Variants in PTPRN2 observed in about 807,000 individuals in gnomAD.
PTPRN2 encodes the protein receptor-type tyrosine-protein phosphatase N2.
A neutral mutation model predicts 118.8 loss-of-function variants in PTPRN2; 74 were observed. That is an observed-to-expected ratio of 0.62 (90% CI 0.52 to 0.76). PTPRN2 has a LOEUF of 0.76. Among genes scored for constraint, PTPRN2 ranks in the 30% least tolerant of loss-of-function variants. The probability of loss-of-function intolerance (pLI) is 0.00; values close to 1 mark genes in which losing one functional copy is unlikely to be tolerated. For missense variants in PTPRN2, 1,481 were observed against 1,394.4 expected, an observed-to-expected ratio of 1.06 and a Z score of -0.99; for synonymous variants, 641 against 608.0, an observed-to-expected ratio of 1.05 and a Z score of -0.80.
At chr7:157,718,616 G>A in intron 12 of PTPRN2, among the ~76,000 whole-genome samples, 1 of 151,610 alleles carries the variant, frequency 6.6e-6, no homozygotes, top group South Asian at 2.1e-4. Context: ...AGGTGACACT[G>A]CAGCCTCTCT....
chr7:158,416,637 T>C (rs1222529162), intron 2 of PTPRN2, among the ~76,000 whole-genome samples: 2 of 151,516 alleles, frequency 1.3e-5, no homozygotes, highest in Non-Finnish European at 2.9e-5. Context: ...CACCAGAGAA[T>C]GAAAAGGGAT....
intron 3 of PTPRN2, among the ~76,000 whole-genome samples, chr7:158,314,246 C>A (rs967385527): frequency 6.6e-6 from 1 of 152,214 alleles, no homozygotes; most frequent in African/African-American, 2.4e-5. Context: ...GGCCTCCACT[C>A]GCACGTCCAG....
chr7:157,785,220 G>A lies in PTPRN2; in HGVS notation c.1789-102283C>T, dbSNP rs116169210. ...ATAACCCGGGCCCACGTGGGGACAC[G>A]CCCCGCCCCACAGGCTTGCACCGGG... On this transcript the variant is annotated intron_variant, in intron 12 of 22. Coordinates refer to ENST00000389418, the MANE Select transcript of PTPRN2 (RefSeq NM_002847.5). The surrounding 1 kb of genome is among the most constrained non-coding windows in gnomAD (Gnocchi z 7.3). Among the ~76,000 whole-genome samples, 4,101 of 151,858 alleles carry A rather than the reference G, an allele frequency of 0.027. 220 individuals carry two copies. Among genetic ancestry groups the A allele is most frequent in the African/African-American group, 0.093 (3,854 of 41,334 alleles).
chr7:158,316,836 T>G lies in PTPRN2; in HGVS notation c.260A>C (p.Gln87Pro). Residue 87 changes from glutamine to proline, a missense_variant, in exon 3 of 23, where the codon CAG (glutamine) becomes CCG (proline). Around this residue, in one of 3 missense-constraint regions of PTPRN2, gnomAD observed 1,115 missense variants for 994.2 expected, o/e 1.12. Transcript: ENST00000389418. ...CGCCCTACCTGTGCCGGAAAGCTTC[T>G]GCAACGCCACGCGCAGGCGCTGCAG... ...VALQRLRVAL[Q>P]KLSGTGFTWQ... The G allele has an allele frequency of 6.2e-7, 1 of 1,605,696 alleles. No individual in the cohort carries two copies. Among genetic ancestry groups the G allele is most frequent in the South Asian group, 1.1e-5 (1 of 90,734 alleles).
At chr7:158,103,281 T>C (rs927122540) in intron 10 of PTPRN2, among the ~76,000 whole-genome samples, 1 of 152,192 alleles carries the variant, frequency 6.6e-6, no homozygotes, top group African/African-American at 2.4e-5. Context: ...AGGCCTGGGA[T>C]GGAATCCTTC....
chr7:158,477,025 TCA>T (rs1212710204), intron 2 of PTPRN2, among the ~76,000 whole-genome samples: 1 of 152,238 alleles, frequency 6.6e-6, no homozygotes, highest in Non-Finnish European at 1.5e-5. Context: ...AGGCTGAGCT[TCA>T]CATAGTTCAA....
chr7:158,498,641 C>A lies in PTPRN2; in HGVS notation c.113-8856G>T, dbSNP rs772717292. On this transcript the variant is annotated intron_variant, in intron 1 of 22. Coordinates refer to ENST00000389418, the MANE Select transcript of PTPRN2 (RefSeq NM_002847.5). ...AAAGAAGGATGTTTGCTGAGTCATT[C>A]TTCGGGACTAAGAAAACATTTCTAA... is the stretch of plus-strand genomic sequence containing the variant. 2.0e-5 allele frequency among the ~76,000 whole-genome samples: 3 copies of A among 152,152 alleles called. No homozygotes were observed. In the East Asian group the frequency reaches 5.8e-4, roughly 29 times the overall value.
intron 2 of PTPRN2, among the ~76,000 whole-genome samples, chr7:158,397,184 C>T (rs1190319883): frequency 1.3e-5 from 2 of 152,234 alleles, no homozygotes; most frequent in Non-Finnish European, 2.9e-5. Context: ...CTTGCGTAAT[C>T]TCAAAGCAAA....
chr7:157,791,208 TAAG>T (rs1027508261), intron 12 of PTPRN2, among the ~76,000 whole-genome samples: 2 of 152,216 alleles, frequency 1.3e-5, no homozygotes, highest in Non-Finnish European at 1.5e-5. Context: ...TTTATGTGAC[TAAG>T]AAGAATGAGA....
intron 21 of PTPRN2, among the ~76,000 whole-genome samples, chr7:157,556,975 G>A (rs957316277): frequency 1.4e-5 from 2 of 147,858 alleles, no homozygotes; most frequent in African/African-American, 5.0e-5. Context: ...GCACACACAT[G>A]CACACACAAT....
chr7:158,409,712 G>A (rs4909213), intron 2 of PTPRN2, among the ~76,000 whole-genome samples: 66,638 of 151,906 alleles, frequency 0.44, 15,753 homozygotes, highest in East Asian at 0.76. Flanking sequence ...CCAGGGAAGG[G>A]GCCAGGTAGG....
chr7:157,945,850 A>G (rs1026162129), intron 11 of PTPRN2, among the ~76,000 whole-genome samples: 30 of 152,182 alleles, frequency 2.0e-4, no homozygotes, highest in African/African-American at 7.2e-4. Context: ...TCCTGGCTTC[A>G]GTTGTCCCAT....
intron 5 of PTPRN2, among the ~76,000 whole-genome samples, chr7:158,188,005 G>C (rs1825314721): frequency 6.6e-6 from 1 of 152,146 alleles, no homozygotes; most frequent in African/African-American, 2.4e-5. Context: ...GCAAGATGGG[G>C]GCAGTGGTGG....
At chr7:157,936,831 C>T (rs183998629) in intron 11 of PTPRN2, among the ~76,000 whole-genome samples, 5 of 152,300 alleles carry the variant, frequency 3.3e-5, no homozygotes, top group East Asian at 3.9e-4. Context: ...TTTTCAAGTT[C>T]GCAGGGAGTG....
At chr7:158,338,550 A>G (rs1473831855) in intron 2 of PTPRN2, among the ~76,000 whole-genome samples, 672 of 120,246 alleles carry the variant, frequency 5.6e-3, no homozygotes, top group African/African-American at 0.024. Flanking sequence ...TCTCACCATA[A>G]GAGGTGACAC....
At chr7:158,341,039 T>TAG (rs375961253) in intron 2 of PTPRN2, among the ~76,000 whole-genome samples, 1 of 24,866 alleles carries the variant, frequency 4.0e-5, no homozygotes, top group Non-Finnish European at 8.3e-5. Flanking sequence ...ACACTCACCA[T>TAG]GAGGTGACAC....
chr7:158,338,570 T>G (rs1445225772), intron 2 of PTPRN2, among the ~76,000 whole-genome samples: 73 of 116,296 alleles, frequency 6.3e-4, no homozygotes, highest in African/African-American at 2.6e-3. Context: ...CCTGCAGACG[T>G]CACTCACACC....
chr7:157,852,729 T>C (rs1219592755), intron 12 of PTPRN2, among the ~76,000 whole-genome samples: 4 of 151,592 alleles, frequency 2.6e-5, no homozygotes, highest in African/African-American at 7.3e-5. Context: ...ATTAGCTGGG[T>C]GTGGTGGTGG....
At chr7:158,275,629 A>G (rs1041347940) in intron 3 of PTPRN2, among the ~76,000 whole-genome samples, 1 of 152,262 alleles carries the variant, frequency 6.6e-6, no homozygotes, top group Admixed American at 6.5e-5. Flanking sequence ...TAATAATTTA[A>G]AATTGCTAAT....
Sources: gnomAD v4.1 joint callset for allele counts (sites outside exome capture counted in the v4.1 genomes callset) on GRCh38, gnomAD v4.1.1 for gene constraint, gnomAD v4.1.1 regional missense constraint, Gnocchi (gnomAD v3.1) non-coding constraint, MANE v1.5 for transcripts, NCBI Gene and HGNC (gene_info 2026-07-23, HGNC 2026-07-21) for gene names.